MRAP: variants seen among roughly 807,000 people sequenced by gnomAD.
The protein encoded by MRAP is melanocortin-2 receptor accessory protein.
In MRAP, 8 loss-of-function variants were observed where a neutral mutation model predicts 8.7. That is an observed-to-expected ratio of 0.92 (90% CI 0.54 to 1.66). MRAP has a LOEUF of 1.66. MRAP is among the 40% of genes most tolerant of loss of function. The pLI is 0.00. For missense variants in MRAP, 237 were observed against 217.1 expected, an observed-to-expected ratio of 1.09 and a Z score of -0.58; for synonymous variants, 95 against 95.5, an observed-to-expected ratio of 1.00 and a Z score of 0.03.
rs1270689130 is a variant in MRAP, at chr21:32,311,719, G to A, written c.242G>A (p.Ser81Asn). The stretch of plus-strand genomic sequence containing the variant: ...AAGCACCACCAAACATGCCCCTGGA[G>A]TCACGGCCTCAACCTCCACCTCTGC... ...SPKHHQTCPW[S>N]HGLNLHLCIQ... The change falls in exon 3 of 3, where the codon AGT becomes AAT. Residue 81 changes from serine to asparagine, a missense_variant. Physicochemically the swap from Ser to Asn is conservative, Grantham distance 46. Transcript: ENST00000303645. 2 of 1,613,938 alleles carry A rather than the reference G, an allele frequency of 1.2e-6. No homozygotes were observed. The highest frequency in any genetic ancestry group is 2.2e-5 in the East Asian group (1 of 44,886).
intron 1 of MRAP, among the ~76,000 whole-genome samples, chr21:32,305,792 C>A (rs2032401282): frequency 6.6e-6 from 1 of 152,028 alleles, no homozygotes; most frequent in African/African-American, 2.4e-5. Flanking sequence ...GGATTGCCCA[C>A]AGCCACAGAC....
At chr21:32,293,011 T>A (rs1420226874) in exon 2 of MRAP, 2 of 152,170 alleles carry the variant, frequency 1.3e-5, no homozygotes, top group African/African-American at 2.4e-5. Flanking sequence ...CAGATGTGAT[T>A]AAGGATTGTG....
chr21:32,314,544 A>T, downstream of MRAP: 2 of 1,612,318 alleles, frequency 1.2e-6, no homozygotes, highest in South Asian at 2.2e-5. Context: ...ACCTTTTGAC[A>T]TTTCAGCTTT....
At chr21:32,299,615 G>A (rs2032211926) in intron 1 of MRAP, among the ~76,000 whole-genome samples, 1 of 152,288 alleles carries the variant, frequency 6.6e-6, no homozygotes, top group Non-Finnish European at 1.5e-5. Flanking sequence ...ACAGGTGTGA[G>A]CCACCGTGCC....
At chr21:32,310,835 C>G (rs189684981) in intron 2 of MRAP, among the ~76,000 whole-genome samples, 3 of 151,992 alleles carry the variant, frequency 2.0e-5, no homozygotes, top group Admixed American at 2.0e-4. Context: ...TCAGTAGAGA[C>G]GGGGTTTCCC....
At chr21:32,306,340 C>A in intron 1 of MRAP, 1 of 410,184 alleles carries the variant, frequency 2.4e-6, no homozygotes, top group Non-Finnish European at 4.6e-6. Flanking sequence ...CACTAGGAGC[C>A]GGGCAAGCAG....
intron 1 of MRAP, among the ~76,000 whole-genome samples, chr21:32,303,488 G>C (rs1200039440): frequency 6.6e-6 from 1 of 152,242 alleles, no homozygotes; most frequent in Non-Finnish European, 1.5e-5. Context: ...AACCATTCCT[G>C]TCACTCCGCT....
chr21:32,309,911 C>T (rs1028099892), intron 2 of MRAP, among the ~76,000 whole-genome samples: 18 of 151,984 alleles, frequency 1.2e-4, no homozygotes, highest in African/African-American at 3.9e-4. Flanking sequence ...TCACTGAGGT[C>T]AGGAGCCACT....
chr21:32,305,777 G>A (rs558193237), intron 1 of MRAP, among the ~76,000 whole-genome samples: 14 of 152,086 alleles, frequency 9.2e-5, no homozygotes, highest in South Asian at 2.1e-4. Context: ...CCCTAATTAC[G>A]AGCCGGATTG....
rs1477813750 is a variant in MRAP at position 32,299,073 on chromosome 21, C to G, written c.102C>G (p.His34Gln). The G allele has an allele frequency of 1.9e-6, 3 of 1,613,456 alleles. No individual in the cohort carries two copies. Among genetic ancestry groups the G allele is most frequent in the African/African-American group, 2.7e-5 (2 of 74,934 alleles). Residue 34 changes from histidine to glutamine, a missense_variant, in exon 1 of 3, where the codon CAC becomes CAG. Transcript: ENST00000303645. ...TGGACGAGAAGAAGCTGAAAGCCCA[C>G]AAACGTAAGTCTGAACTAGGGAAGC... ...IPVDEKKLKA[H>Q]KHSIVIAFWV...
intron 1 of MRAP, 80 bp from the exon 2 acceptor site, chr21:32,306,560 C>A: frequency 8.5e-7 from 1 of 1,173,172 alleles, no homozygotes; most frequent in Non-Finnish European, 1.3e-6. Context: ...TTCCACAATA[C>A]CCTGGGACTC....
chr21:32,305,105 T>C (rs1309331944), intron 1 of MRAP, among the ~76,000 whole-genome samples: 1 of 150,424 alleles, frequency 6.6e-6, no homozygotes, highest in Non-Finnish European at 1.5e-5. Context: ...CATGAAGGGG[T>C]AGGACTATGG....
intron 1 of MRAP, among the ~76,000 whole-genome samples, chr21:32,292,064 A>G (rs760607885): frequency 1.9e-4 from 29 of 152,326 alleles, no homozygotes; most frequent in Non-Finnish European, 4.1e-4. Context: ...TAAAAAAATT[A>G]TGAGACAAAT....
chr21:32,314,674 A>G (rs747254266), downstream of MRAP: 23 of 1,601,424 alleles, frequency 1.4e-5, no homozygotes, highest in Non-Finnish European at 2.0e-5. Context: ...GATGGGCCTC[A>G]TGGCCTAGAA....
At chr21:32,310,106 G>A (rs1008884447) in intron 2 of MRAP, among the ~76,000 whole-genome samples, 5 of 152,186 alleles carry the variant, frequency 3.3e-5, no homozygotes, top group East Asian at 3.9e-4. Flanking sequence ...GGTCTGGTCC[G>A]GCAAGCCCAG....
chr21:32,312,249 G>A lies in MRAP; in HGVS notation c.*253G>A, dbSNP rs1244556929. 2 of 1,415,066 alleles carry A rather than the reference G, an allele frequency of 1.4e-6. No homozygotes were observed. The highest frequency in any genetic ancestry group is 2.9e-5 in the Admixed American group (1 of 34,732). The allele number at this position is 1,415,066 out of a possible 1,614,324, so 87.7% of individuals were successfully genotyped here. A position where few individuals can be genotyped will look rare whatever the true frequency, so the allele number is the denominator to read the frequency against. ...TTGCTTACTGCTTATATTTGCTCAG[G>A]GAAGAGTAGGAAAATAAAATATATG... On this transcript the variant is annotated 3_prime_UTR_variant, in exon 3 of 3. Transcript: ENST00000303645.
chr21:32,299,097 G>A lies in MRAP; in HGVS notation c.106+20G>A. On this transcript the variant is annotated intron_variant, in intron 1 of 2. Coordinates refer to ENST00000303645, the MANE Select transcript of MRAP (RefSeq NM_001379228.1). ...ACAAACGTAAGTCTGAACTAGGGAA[G>A]CCGGTCAGACAGAGGCTGGGGGCCG... 2.5e-6 allele frequency: 4 copies of A among 1,601,308 alleles called. No homozygotes were observed. Among genetic ancestry groups the A allele is most frequent in the Non-Finnish European group, 3.4e-6 (4 of 1,168,900 alleles).
chr21:32,307,218 C>G (rs1423512017), intron 2 of MRAP, among the ~76,000 whole-genome samples: 3 of 151,848 alleles, frequency 2.0e-5, no homozygotes, highest in Non-Finnish European at 4.4e-5. Context: ...CTGCCTAGGT[C>G]TGGGGGGAGA....
At chr21:32,294,275 T>C (rs923726703), upstream of MRAP, among the ~76,000 whole-genome samples, 2 of 151,962 alleles carry the variant, frequency 1.3e-5, no homozygotes, top group African/African-American at 4.8e-5. Context: ...CCACCACACC[T>C]GGCTAATTTT....
Sources: gnomAD v4.1 joint callset for allele counts (sites outside exome capture counted in the v4.1 genomes callset) on GRCh38, gnomAD v4.1.1 for gene constraint, MANE v1.5 for transcripts, NCBI Gene and HGNC (gene_info 2026-07-23, HGNC 2026-07-21) for gene names.